Variants in PPL observed in about 807,000 individuals in gnomAD.
PPL encodes the protein periplakin.
In PPL, 198 loss-of-function variants were observed where a neutral mutation model predicts 194.4. The ratio of observed to expected loss-of-function variants is 1.02; its 90% CI spans 0.91 to 1.15. The LOEUF is 1.15. Among genes scored for constraint, PPL ranks in the 50% most tolerant of loss-of-function variants. PPL has a pLI of 0.00. For missense variants in PPL, 2,885 were observed against 2,294.8 expected (o/e 1.26, Z -5.25); for synonymous variants, 1,220 against 972.4 (o/e 1.25, Z -4.74).
At chr16:4,934,203 T>C (rs964153004) in intron 1 of PPL, among the ~76,000 whole-genome samples, 2 of 151,906 alleles carry the variant, frequency 1.3e-5, no homozygotes, top group East Asian at 3.9e-4. Flanking sequence ...CACCTGTCAT[T>C]AGGAACCCGG....
Position 4,885,199 on chromosome 16 carries a change from C to G in PPL, c.3456G>C (p.Thr1152=). Residue 1152 remains threonine (T), a synonymous_variant, in exon 22 of 22, where the codon ACG becomes ACC. Transcript: ENST00000345988. The surrounding 1 kb of genome is among the most constrained non-coding windows in gnomAD (Gnocchi z 6.3). ...AGGCCCATATCTTTCGGAGCAGCTC[C>G]GTCTTCTCCCTCTGGCTAGCGCGAG... ...AKARASQREK[T]ELLRKIWALE... 1 of 1,614,084 alleles carries G rather than the reference C, an allele frequency of 6.2e-7. No individual in the cohort carries two copies. The highest frequency in any genetic ancestry group is 8.5e-7 in the Non-Finnish European group (1 of 1,180,028).
chr16:4,890,174 G>A lies in PPL; in HGVS notation c.2313+10C>T. ...GTGTGTGCCTGGGGCTGCGGAAACG[G>A]CCATCTCACCTTCTGGTTCTTCAGC... On this transcript the variant is annotated intron_variant, in intron 18 of 21. Coordinates refer to ENST00000345988, the MANE Select transcript of PPL (RefSeq NM_002705.5). 3 of 1,614,046 alleles carry A rather than the reference G, an allele frequency of 1.9e-6. No homozygotes were observed. The highest frequency in any genetic ancestry group is 2.5e-6 in the Non-Finnish European group (3 of 1,180,016).
chr16:4,916,021 C>G (rs2088909883), intron 1 of PPL, among the ~76,000 whole-genome samples: 1 of 152,124 alleles, frequency 6.6e-6, no homozygotes, highest in African/African-American at 2.4e-5. Flanking sequence ...TTTTCATCCA[C>G]TACAATGGCT....
rs753586084 is a variant in PPL at position 4,887,266 on chromosome 16, G to A, written c.2515-39C>T. On this transcript the variant is annotated intron_variant, in intron 20 of 21. Coordinates refer to ENST00000345988, the MANE Select transcript of PPL (RefSeq NM_002705.5). ...GATTAGGAGAGCGGTCAACAAACAGGTGTCAACAGGGTAAGCAACAGAGAG... is the reference window on the plus strand; with the variant it reads ...GATTAGGAGAGCGGTCAACAAACAGATGTCAACAGGGTAAGCAACAGAGAG... 4.1e-6 allele frequency: 6 copies of A among 1,455,718 alleles called. No homozygotes were observed. The African/African-American group carries it at 4.2e-5, about 10-fold the overall frequency. The allele number at this position is 1,455,718 out of a possible 1,614,324, so 90.2% of individuals were successfully genotyped here.
chr16:4,932,340 T>C (rs2089235356), intron 1 of PPL, among the ~76,000 whole-genome samples: 1 of 151,832 alleles, frequency 6.6e-6, no homozygotes, highest in Non-Finnish European at 1.5e-5. Context: ...CCAACACTGA[T>C]CGATGGGTGC....
intron 19 of PPL, chr16:4,888,697 T>A (rs1308574906): frequency 1.3e-5 from 6 of 461,784 alleles, no homozygotes; most frequent in Non-Finnish European, 2.3e-5. Flanking sequence ...GTTGCAACAA[T>A]GTTGTTTATC....
intron 1 of PPL, among the ~76,000 whole-genome samples, chr16:4,933,538 C>T (rs1184272926): frequency 3.3e-5 from 5 of 152,306 alleles, no homozygotes; most frequent in South Asian, 2.1e-4. Context: ...GTGAAGTCCT[C>T]CCTCACCTCC....
chr16:4,912,236 C>T (rs918719482), intron 1 of PPL, among the ~76,000 whole-genome samples: 1 of 152,214 alleles, frequency 6.6e-6, no homozygotes, highest in Non-Finnish European at 1.5e-5. Flanking sequence ...CCCCTGGCAA[C>T]CAGGAATTTA....
intron 1 of PPL, among the ~76,000 whole-genome samples, chr16:4,918,246 T>C (rs375863029): frequency 1.2e-3 from 179 of 151,648 alleles, no homozygotes; most frequent in African/African-American, 4.0e-3. Context: ...TGAGCCGAGA[T>C]TGCACCACTA....
At chr16:4,920,923 A>G (rs2089037056) in intron 1 of PPL, among the ~76,000 whole-genome samples, 6 of 152,158 alleles carry the variant, frequency 3.9e-5, no homozygotes, top group Admixed American at 3.9e-4. Flanking sequence ...TGTTTATACA[A>G]TTCGGGCCTT....
intron 8 of PPL, among the ~76,000 whole-genome samples, chr16:4,898,643 C>G (rs1229183102): frequency 6.6e-6 from 1 of 152,154 alleles, no homozygotes; most frequent in Non-Finnish European, 1.5e-5. Context: ...AGGCACATGT[C>G]CTGGAGCTTC....
chr16:4,899,222 C>T lies in PPL; in HGVS notation c.768+1G>A. The T allele has an allele frequency of 1.9e-6, 3 of 1,613,910 alleles. No homozygotes were observed. The highest frequency in any genetic ancestry group is 1.7e-6 in the Non-Finnish European group (2 of 1,179,898). On this transcript the variant is annotated splice_donor_variant, in intron 7 of 21. Coordinates refer to ENST00000345988, the MANE Select transcript of PPL (RefSeq NM_002705.5). LOFTEE classifies it high-confidence loss of function. ...TGATGCCCCAGGCCCCCAGAACCCA[C>T]CTCATACTGGCGCCGGCGGCTGGGG...
rs565656972 is a variant in PPL, at chr16:4,899,328, G to C, written c.663C>G (p.Arg221=). Residue 221 remains arginine (R), a synonymous_variant, in exon 7 of 22, where the codon CGC becomes CGG. Transcript: ENST00000345988. ...CCAGCCAGTACAGCTCATTGGTGCA[G>C]CGCTGCATGTAGTCCTGCAGCGAAC... ...HLSSLQDYMQ[R]CTNELYWLDQ... 1.2e-6 allele frequency: 2 copies of C among 1,613,484 alleles called. No individual in the cohort carries two copies. The highest frequency in any genetic ancestry group is 1.6e-4 in the Middle Eastern group (1 of 6,062).
intron 1 of PPL, among the ~76,000 whole-genome samples, chr16:4,924,590 T>C (rs1317783449): frequency 3.3e-5 from 5 of 152,194 alleles, no homozygotes; most frequent in Non-Finnish European, 7.3e-5. Flanking sequence ...ACTGATTAGA[T>C]GTCTGCCCCA....
rs1568019356 is a variant in PPL at position 4,902,498 on chromosome 16, T to A, written c.346A>T (p.Asn116Tyr). ...DIRQLKERVT[N>Y]LRGKHKQIYR... The stretch of plus-strand genomic sequence containing the variant: ...ATCTGCTTGTGTTTCCCGCGCAGGT[T>A]GGTCACACGCTCCTTCAGCTGGCGG... The change falls in exon 4 of 22, where the codon AAC becomes TAC. Residue 116 changes from asparagine to tyrosine, a missense_variant. Transcript: ENST00000345988. The surrounding 1 kb of genome is among the most constrained non-coding windows in gnomAD (Gnocchi z 4.0). 1 of 1,613,716 alleles carries A rather than the reference T, an allele frequency of 6.2e-7. No homozygotes were observed.
At chr16:4,909,194 A>G (rs1186131497) in intron 2 of PPL, among the ~76,000 whole-genome samples, 4 of 152,006 alleles carry the variant, frequency 2.6e-5, no homozygotes, top group Non-Finnish European at 5.9e-5. Flanking sequence ...CAGAGTCTCC[A>G]CTTATCTGCC....
chr16:4,888,847 C>T, intron 19 of PPL, 131 bp downstream of exon 19: 1 of 847,006 alleles, frequency 1.2e-6, no homozygotes, highest in Non-Finnish European at 2.0e-6. Flanking sequence ...GTTTGCACAG[C>T]AGCCGGCAGT....
chr16:4,914,388 G>A (rs969970432), intron 1 of PPL, among the ~76,000 whole-genome samples: 81 of 152,258 alleles, frequency 5.3e-4, no homozygotes, highest in African/African-American at 1.8e-3. Flanking sequence ...GACACCTACC[G>A]GAGTCATGGA....
At chr16:4,936,861 G>A in intron 1 of PPL, 123 bp downstream of exon 1, 1 of 998,782 alleles carries the variant, frequency 1.0e-6, no homozygotes, top group Non-Finnish European at 1.4e-6. Flanking sequence ...CGCACTCCGG[G>A]TTCAGTTCCC....
Sources: gnomAD v4.1 joint callset for allele counts (sites outside exome capture counted in the v4.1 genomes callset) on GRCh38, gnomAD v4.1.1 for gene constraint, Gnocchi (gnomAD v3.1) non-coding constraint, MANE v1.5 for transcripts, NCBI Gene and HGNC (gene_info 2026-07-23, HGNC 2026-07-21) for gene names.